PTPRN2: variants seen among roughly 807,000 people sequenced by gnomAD.
PTPRN2 encodes receptor-type tyrosine-protein phosphatase N2.
In PTPRN2, 74 loss-of-function variants were observed where a neutral mutation model predicts 118.8. The ratio of observed to expected loss-of-function variants is 0.62; its 90% CI spans 0.52 to 0.76. The LOEUF (loss-of-function observed/expected upper bound fraction) is 0.76. Among genes scored for constraint, PTPRN2 ranks in the 30% least tolerant of loss-of-function variants. The pLI, the probability that PTPRN2 is intolerant of heterozygous loss-of-function variation, is 0.00. For synonymous variants in PTPRN2, 641 were observed against 608.0 expected (o/e 1.05, Z -0.80); for missense variants, 1,481 against 1,394.4 (o/e 1.06, Z -0.99).
chr7:157,561,694 G>A (rs184209009), intron 21 of PTPRN2, among the ~76,000 whole-genome samples: 1 of 152,370 alleles, frequency 6.6e-6, no homozygotes, highest in Admixed American at 6.5e-5. Flanking sequence ...AAAGCTTTCT[G>A]TGGGTCCTCC....
At chr7:157,663,429 A>G (rs921839469) in intron 13 of PTPRN2, among the ~76,000 whole-genome samples, 1 of 152,210 alleles carries the variant, frequency 6.6e-6, no homozygotes, top group African/African-American at 2.4e-5. Context: ...GGAGACAGAA[A>G]CAGAAATTCC....
intron 2 of PTPRN2, among the ~76,000 whole-genome samples, chr7:158,366,024 T>TAC (rs796557964): frequency 7.1e-5 from 8 of 113,070 alleles, no homozygotes; most frequent in African/African-American, 1.1e-4. Context: ...CGTGTGCAAA[T>TAC]ACACACACAC....
intron 13 of PTPRN2, among the ~76,000 whole-genome samples, chr7:157,659,880 G>T (rs1327193455): frequency 6.6e-6 from 1 of 152,028 alleles, no homozygotes; most frequent in Non-Finnish European, 1.5e-5. Flanking sequence ...GATTAGCTGG[G>T]ATTACAGGCG....
In PTPRN2 at chr7:158,295,098, C is replaced by T. The variant is rs1408636595; in HGVS notation, c.277+21721G>A. 4.3e-4 allele frequency among the ~76,000 whole-genome samples: 59 copies of T among 138,490 alleles called. 1 individual carries two copies. Among genetic ancestry groups the T allele is most frequent in the Admixed American group, 8.8e-4 (12 of 13,666 alleles). The allele number at this position is 138,490 out of a possible 152,430, so 90.9% of individuals were successfully genotyped here. A position where few individuals can be genotyped will look rare whatever the true frequency, so the allele number is the denominator to read the frequency against. On this transcript the variant is annotated intron_variant, in intron 3 of 22. Transcript: ENST00000389418. ...TGTCTGCCCAGACATTGCACCACATCATGGTTCACCCGCCTTTCCGAGGGT... is the reference window on the plus strand; with the variant it reads ...TGTCTGCCCAGACATTGCACCACATTATGGTTCACCCGCCTTTCCGAGGGT...
At chr7:158,337,013 C>G (rs1302002938) in intron 2 of PTPRN2, among the ~76,000 whole-genome samples, 1 of 101,602 alleles carries the variant, frequency 9.8e-6, no homozygotes, top group Admixed American at 9.4e-5. Context: ...ACACTCTCAC[C>G]ATAAGAGCTG....
chr7:157,789,884 G>A (rs1804332557), intron 12 of PTPRN2, among the ~76,000 whole-genome samples: 1 of 149,574 alleles, frequency 6.7e-6, no homozygotes, highest in African/African-American at 2.5e-5. Context: ...TATGTGTGCA[G>A]GTATGTGTGT....
chr7:158,388,307 G>T (rs181910894), intron 2 of PTPRN2, among the ~76,000 whole-genome samples: 5 of 152,096 alleles, frequency 3.3e-5, no homozygotes, highest in South Asian at 2.1e-4. Flanking sequence ...TTCTGGGCTC[G>T]GTCCCGCAAG....
At chr7:158,559,599 G>A (rs1379194591) in intron 1 of PTPRN2, among the ~76,000 whole-genome samples, 5 of 152,310 alleles carry the variant, frequency 3.3e-5, no homozygotes, top group Middle Eastern at 3.4e-3. Flanking sequence ...AGGTGACCGC[G>A]GGGATACCTC....
chr7:158,054,683 C>T (rs1000574145), intron 11 of PTPRN2, among the ~76,000 whole-genome samples: 1 of 152,218 alleles, frequency 6.6e-6, no homozygotes, highest in African/African-American at 2.4e-5. Context: ...TCCCACACCT[C>T]TACACGGCTG....
At chr7:157,894,136 G>A (rs1274209710) in intron 12 of PTPRN2, among the ~76,000 whole-genome samples, 1 of 152,326 alleles carries the variant, frequency 6.6e-6, no homozygotes, top group East Asian at 1.9e-4. Flanking sequence ...AACTGAGGCT[G>A]AGCAGGGACC....
rs1319194381 is a variant in PTPRN2 at position 158,007,732 on chromosome 7, GTGTGTGAGGGTGTGTGTGGCTGTGCTA to G, written c.1723+73539_1723+73565del. Among the ~76,000 whole-genome samples the G allele has an allele frequency of 2.0e-5, 3 of 152,236 alleles. No individual in the cohort carries two copies. The East Asian group carries it at 5.8e-4, about 29-fold the overall frequency. On this transcript the variant is annotated intron_variant, in intron 11 of 22. Coordinates refer to ENST00000389418, the MANE Select transcript of PTPRN2 (RefSeq NM_002847.5). ...ATGTATCTGGGTGTGTGCATTGCAT[GTGTGTGAGGGTGTGTGTGGCTGTGCTA>G]TGTGTGAGGGTGTGCTGTGTGTGGC...
intron 2 of PTPRN2, among the ~76,000 whole-genome samples, chr7:158,414,845 C>T (rs1210911587): frequency 6.6e-6 from 1 of 152,152 alleles, no homozygotes; most frequent in Non-Finnish European, 1.5e-5. Context: ...AATGAGCCAG[C>T]GTGCTGTAAG....
intron 2 of PTPRN2, among the ~76,000 whole-genome samples, chr7:158,392,872 G>T (rs948328691): frequency 6.6e-6 from 1 of 152,132 alleles, no homozygotes; most frequent in African/African-American, 2.4e-5. Flanking sequence ...AGCCCCTCTC[G>T]GTAGAATTTT....
intron 12 of PTPRN2, among the ~76,000 whole-genome samples, chr7:157,829,332 C>G (rs2151157093): frequency 6.6e-6 from 1 of 152,328 alleles, no homozygotes; most frequent in Non-Finnish European, 1.5e-5. Context: ...CGCCACTGAT[C>G]AAACACTCGG....
chr7:157,811,235 T>C (rs1192136885), intron 12 of PTPRN2, among the ~76,000 whole-genome samples: 2 of 148,280 alleles, frequency 1.3e-5, no homozygotes, highest in African/African-American at 2.5e-5. Context: ...CGCACCACTA[T>C]ACCCCAGCCT....
chr7:157,663,959 T>G (rs1266894401), intron 13 of PTPRN2, among the ~76,000 whole-genome samples: 3 of 152,230 alleles, frequency 2.0e-5, no homozygotes, highest in African/African-American at 7.2e-5. Context: ...GAGACAAACC[T>G]CACAGCATTT....
chr7:157,860,535 G>A (rs1224495848), intron 12 of PTPRN2, among the ~76,000 whole-genome samples: 5 of 152,270 alleles, frequency 3.3e-5, no homozygotes, highest in South Asian at 2.1e-4. Context: ...CTATAGGAAC[G>A]TTTCAGAGCT....
chr7:158,365,568 C>A (rs1002487602), intron 2 of PTPRN2, among the ~76,000 whole-genome samples: 1 of 152,210 alleles, frequency 6.6e-6, no homozygotes, highest in Non-Finnish European at 1.5e-5. Context: ...CCCGTTAGAA[C>A]TGGCATGCGT....
intron 3 of PTPRN2, among the ~76,000 whole-genome samples, chr7:158,207,768 T>A (rs572534912): frequency 6.6e-6 from 1 of 152,102 alleles, no homozygotes; most frequent in African/African-American, 2.4e-5. Context: ...CAGGAAAACA[T>A]GACCTCACCA....
Sources: gnomAD v4.1 joint callset for allele counts (sites outside exome capture counted in the v4.1 genomes callset) on GRCh38, gnomAD v4.1.1 for gene constraint, MANE v1.5 for transcripts, NCBI Gene and HGNC (gene_info 2026-07-23, HGNC 2026-07-21) for gene names.